The following THSD7B variants were observed in gnomAD, a reference collection of about 807,000 sequenced individuals.
THSD7B encodes thrombospondin type-1 domain-containing protein 7B.
THSD7B carries 138 observed loss-of-function variants against 213.6 expected under a neutral mutation model. The ratio of observed to expected loss-of-function variants is 0.65; its 90% confidence interval spans 0.56 to 0.74. THSD7B has a LOEUF of 0.74. THSD7B is among the 30% of genes least tolerant of loss of function. The pLI, the probability that THSD7B is intolerant of heterozygous loss-of-function variation, is 0.00. For synonymous variants in THSD7B, 742 were observed against 687.0 expected (o/e 1.08, Z -1.25); for missense variants, 1,931 against 1,991.5 (o/e 0.97, Z 0.58).
chr2:137,229,314 CCTGCCTGCTT>C (rs1479222633), intron 7 of THSD7B, among the ~76,000 whole-genome samples: 1 of 151,900 alleles, frequency 6.6e-6, no homozygotes, highest in Non-Finnish European at 1.5e-5. Flanking sequence ...TTTTGTTTGG[CCTGCCTGCTT>C]CTATACTTGT....
rs148554596 is a variant in THSD7B at position 137,139,983 on chromosome 2, G to A, written c.1370-20230G>A. On this transcript the variant is annotated intron_variant, in intron 5 of 27. Transcript: ENST00000409968. ...TGGTTTTTATTCATAAAGGAAATGT[G>A]TTATTATAAAAATTTATAGAGAGAA... 5.1e-3 allele frequency among the ~76,000 whole-genome samples: 770 copies of A among 152,098 alleles called. 10 individuals are homozygous for A. Among genetic ancestry groups the A allele is most frequent in the African/African-American group, 0.017 (703 of 41,468 alleles).
intron 9 of THSD7B, among the ~76,000 whole-genome samples, chr2:137,238,198 A>G (rs1460870510): frequency 2.6e-5 from 4 of 152,174 alleles, no homozygotes; most frequent in African/African-American, 9.7e-5. Context: ...GCAACTCTCT[A>G]TAGAAAGCTT....
intron 3 of THSD7B, among the ~76,000 whole-genome samples, chr2:137,088,549 C>T (rs1007548368): frequency 6.6e-6 from 1 of 151,648 alleles, no homozygotes; most frequent in African/African-American, 2.4e-5. Flanking sequence ...TTGGAAAAAC[C>T]CTTCTAGACA....
Position 137,310,786 on chromosome 2 carries a change from C to G in THSD7B, c.2500+34760C>G, listed in dbSNP as rs1288705564. The stretch of plus-strand genomic sequence containing the variant: ...AATCCTTTCCCCATTGCTTGTTTTT[C>G]TCAGGTTTGTCAAAGATCAGATAGT... On this transcript the variant is annotated intron_variant, in intron 12 of 27. Transcript: ENST00000409968. Among the ~76,000 whole-genome samples the G allele has an allele frequency of 5.3e-4, 80 of 151,888 alleles. 1 individual carries two copies. The highest frequency in any genetic ancestry group is 1.8e-3 in the African/African-American group (74 of 41,428).
intron 12 of THSD7B, among the ~76,000 whole-genome samples, chr2:137,284,342 A>G (rs1683114627): frequency 6.6e-6 from 1 of 152,096 alleles, no homozygotes; most frequent in Non-Finnish European, 1.5e-5. Context: ...GATCTTTTCA[A>G]AAATCCAGCT....
chr2:136,932,539 T>G (rs543986013), intron 2 of THSD7B, among the ~76,000 whole-genome samples: 1 of 152,332 alleles, frequency 6.6e-6, no homozygotes, highest in South Asian at 2.1e-4. Context: ...TAACCTATTT[T>G]GTATATTATA....
intron 15 of THSD7B, among the ~76,000 whole-genome samples, chr2:137,474,892 C>T (rs1688163965): frequency 6.6e-6 from 1 of 152,150 alleles, no homozygotes; most frequent in Non-Finnish European, 1.5e-5. Context: ...TAGCCATTAT[C>T]GTAATGTTTA....
At chr2:137,257,745 A>C (rs1017760566) in intron 10 of THSD7B, among the ~76,000 whole-genome samples, 1 of 152,120 alleles carries the variant, frequency 6.6e-6, no homozygotes, top group Non-Finnish European at 1.5e-5. Context: ...GTTGCCATTA[A>C]CTCAGATTAT....
chr2:136,927,921 G>GA (rs1041953882), intron 2 of THSD7B, among the ~76,000 whole-genome samples: 2 of 152,180 alleles, frequency 1.3e-5, no homozygotes, highest in African/African-American at 4.8e-5. Context: ...TTCTTATCAT[G>GA]AATGTCATCT....
At chr2:136,961,088 C>CAAAAAA (rs57328048) in intron 2 of THSD7B, among the ~76,000 whole-genome samples, 1 of 39,074 alleles carries the variant, frequency 2.6e-5, no homozygotes, top group Non-Finnish European at 4.0e-5. Flanking sequence ...GACTCCGTCT[C>CAAAAAA]AAAAAAAAAA....
chr2:136,765,754 G>A (rs575233233), intron 1 of THSD7B, 67 bp downstream of exon 1: 6 of 152,210 alleles, frequency 3.9e-5, no homozygotes, highest in African/African-American at 1.4e-4. Context: ...ACTGGGGCGC[G>A]GGGTGGCAGC....
intron 15 of THSD7B, among the ~76,000 whole-genome samples, chr2:137,477,828 A>G (rs1431374691): frequency 6.6e-6 from 1 of 151,158 alleles, no homozygotes; most frequent in Non-Finnish European, 1.5e-5. Flanking sequence ...TTAATCCTTC[A>G]TTTATGAAGG....
chr2:136,983,158 T>G (rs978975803), intron 2 of THSD7B, among the ~76,000 whole-genome samples: 1 of 152,148 alleles, frequency 6.6e-6, no homozygotes, highest in Non-Finnish European at 1.5e-5. Flanking sequence ...TAAATATGAA[T>G]TTTAAGCAAA....
intron 15 of THSD7B, among the ~76,000 whole-genome samples, chr2:137,503,328 CAA>C (rs1376059412): frequency 6.6e-6 from 1 of 152,136 alleles, no homozygotes. Context: ...ACATTCCTCA[CAA>C]AAAAGTCTCC....
rs563951742 is a variant in THSD7B at position 137,501,404 on chromosome 2, C to T, written c.3138+50381C>T. On this transcript the variant is annotated intron_variant, in intron 15 of 27. Coordinates refer to ENST00000409968, the MANE Select transcript of THSD7B (RefSeq NM_001316349.2). ...TAATATTAGAGCCATTTCAATATTA[C>T]ATTGAGGGGTTCTGCATCCACTTTT... 2.7e-5 allele frequency among the ~76,000 whole-genome samples: 4 copies of T among 147,924 alleles called. No homozygotes were observed. The South Asian group carries it at 8.8e-4, about 32-fold the overall frequency.
rs1327971378 is a variant in THSD7B at position 137,242,387 on chromosome 2, A to C, written c.2151-70A>C. 2.4e-6 allele frequency: 3 copies of C among 1,240,176 alleles called. No homozygotes were observed. In the Admixed American group the frequency reaches 5.5e-5, roughly 23 times the overall value. 76.8% of individuals were successfully genotyped at this position (1,240,176 alleles called of 1,614,324 possible). A position where few individuals can be genotyped will look rare whatever the true frequency, so the allele number is the denominator to read the frequency against. On this transcript the variant is annotated intron_variant, in intron 9 of 27. Coordinates refer to ENST00000409968, the MANE Select transcript of THSD7B (RefSeq NM_001316349.2). Reference sequence around the variant, plus strand: ...GGCCCTTAATATTTTCGGTTCTAAAATCCTATAGTTCTGCGTTCAACGGCT... The same window carrying C: ...GGCCCTTAATATTTTCGGTTCTAAACTCCTATAGTTCTGCGTTCAACGGCT...
chr2:137,208,484 C>G (rs1281548614), intron 7 of THSD7B, among the ~76,000 whole-genome samples: 1 of 152,056 alleles, frequency 6.6e-6, no homozygotes, highest in East Asian at 1.9e-4. Context: ...CTACGCAAAA[C>G]CCTGGGTGGG....
At chr2:137,551,562 A>G (rs1276826895) in intron 15 of THSD7B, among the ~76,000 whole-genome samples, 1 of 152,170 alleles carries the variant, frequency 6.6e-6, no homozygotes, top group Non-Finnish European at 1.5e-5. Flanking sequence ...TCTTAGGCGA[A>G]GGGGAATGCA....
chr2:137,336,604 C>G (rs185357676), intron 12 of THSD7B, among the ~76,000 whole-genome samples: 7 of 152,154 alleles, frequency 4.6e-5, no homozygotes, highest in South Asian at 2.1e-4. Context: ...AACAGCAGTT[C>G]TTTTCATGGT....
Sources: gnomAD v4.1 joint callset for allele counts (sites outside exome capture counted in the v4.1 genomes callset) on GRCh38, gnomAD v4.1.1 for gene constraint, MANE v1.5 for transcripts, NCBI Gene and HGNC (gene_info 2026-07-23, HGNC 2026-07-21) for gene names.